The following ALG13 variants were observed in gnomAD, a reference collection of about 807,000 sequenced individuals.
ALG13 encodes ALG13 UDP-N-acetylglucosaminyltransferase subunit.
A neutral mutation model predicts 87.8 loss-of-function variants in ALG13; 11 were observed. That is an observed-to-expected ratio of 0.13 (90% confidence interval 0.08 to 0.21). The LOEUF (loss-of-function observed/expected upper bound fraction) is 0.21. Ranked by LOEUF, ALG13 falls within the 10% of genes least tolerant of loss-of-function variation. ALG13 has a pLI of 1.00. For missense variants in ALG13, 756 were observed against 866.1 expected, an observed-to-expected ratio of 0.87 and a Z score of 1.60; for synonymous variants, 320 against 306.3, an observed-to-expected ratio of 1.04 and a Z score of -0.47.
rs372304203 is a variant in ALG13, at chrX:111,682,205, G to A, written c.155G>A (p.Ser52Asn). Residue 52 changes from serine to asparagine, a missense_variant, in exon 2 of 27, where the codon AGT becomes AAT. This residue lies in a region of ALG13 where 153 missense variants were observed against 168.7 expected (regional missense o/e 0.91). Transcript: ENST00000394780. ...GRGTVVPEPF[S>N]TESFTLDVYR... Reference sequence around the variant, plus strand: ...GGAACGGTGGTACCTGAACCCTTCAGTACTGAGTCGTTTACTCTGGATGTT... The same window carrying A: ...GGAACGGTGGTACCTGAACCCTTCAATACTGAGTCGTTTACTCTGGATGTT... 8.3e-7 allele frequency: 1 copy of A among 1,202,592 alleles called. No individual in the cohort carries two copies. The highest frequency in any genetic ancestry group is 1.1e-6 in the Non-Finnish European group (1 of 890,131).
At chrX:111,759,627 ATAGT>A (rs918697214) in intron 26 of ALG13, 103 bp from the exon 27 acceptor site, 59 of 616,397 alleles carry the variant, frequency 9.6e-5, no homozygotes, top group African/African-American at 2.3e-4. Flanking sequence ...GATCTTTCTT[ATAGT>A]TAGTTTTATT....
At chrX:111,733,474 T>C (rs1226807576) in intron 21 of ALG13, among the ~76,000 whole-genome samples, 1 of 112,158 alleles carries the variant, frequency 8.9e-6, no homozygotes, top group South Asian at 3.7e-4. Flanking sequence ...TTTTGTTTCT[T>C]TGTATGGCTG....
At chrX:111,745,708 G>A (rs1185219431) in intron 24 of ALG13, among the ~76,000 whole-genome samples, 1 of 110,537 alleles carries the variant, frequency 9.0e-6, no homozygotes, top group East Asian at 2.9e-4. Context: ...TTTTCACTTA[G>A]CTTTTTAGTT....
chrX:111,692,295 T>G (rs1478408862), intron 3 of ALG13, among the ~76,000 whole-genome samples: 1 of 112,037 alleles, frequency 8.9e-6, no homozygotes, highest in Non-Finnish European at 1.9e-5. Flanking sequence ...TATAAATGCA[T>G]AATGAGAATC....
intron 23 of ALG13, among the ~76,000 whole-genome samples, chrX:111,742,668 T>G (rs1667689486): frequency 8.9e-6 from 1 of 112,052 alleles, no homozygotes; most frequent in African/African-American, 3.2e-5. Context: ...CATAATAGCT[T>G]TCTTTGTATT....
chrX:111,739,843 G>A (rs935055373), intron 23 of ALG13, among the ~76,000 whole-genome samples: 40 of 112,396 alleles, frequency 3.6e-4, no homozygotes, highest in African/African-American at 1.3e-3. Context: ...AGTTGCATTA[G>A]CCACATGTGG....
rs752094604 is a variant in ALG13 at position 111,686,689 on chromosome X, A to G, written c.383+1586A>G. The stretch of plus-strand genomic sequence containing the variant: ...CTTCCTAACTGCTTTATGCAAGTCA[A>G]TTTTTTCCAGATACTTTTAATTAGT... On this transcript the variant is annotated intron_variant, in intron 3 of 26. Transcript: ENST00000394780. Among the ~76,000 whole-genome samples the G allele has an allele frequency of 7.2e-3, 810 of 111,933 alleles. 2 individuals carry two copies. Among genetic ancestry groups the G allele is most frequent in the Middle Eastern group, 0.014 (3 of 215 alleles).
At chrX:111,687,439 TA>T (rs777443705) in intron 3 of ALG13, among the ~76,000 whole-genome samples, 14 of 112,472 alleles carry the variant, frequency 1.2e-4, no homozygotes, top group Non-Finnish European at 2.4e-4. Flanking sequence ...GTTATGATAG[TA>T]AATTACTGGC....
chrX:111,745,745 A>G (rs1366542853), intron 24 of ALG13, among the ~76,000 whole-genome samples: 1 of 110,613 alleles, frequency 9.0e-6, no homozygotes, highest in East Asian at 2.8e-4. Flanking sequence ...AATTCCTCAT[A>G]TTTATCTTTT....
intron 23 of ALG13, among the ~76,000 whole-genome samples, chrX:111,743,208 TA>T (rs1005385918): frequency 9.0e-6 from 1 of 111,482 alleles, no homozygotes; most frequent in Non-Finnish European, 1.9e-5. Flanking sequence ...TGCTTTTTTT[TA>T]AAAAAATGGC....
chrX:111,681,691 C>A (rs902884411), intron 1 of ALG13: 53 of 844,569 alleles, frequency 6.3e-5, no homozygotes, highest in Non-Finnish European at 6.7e-5. Context: ...GACCGCACGT[C>A]GGCGCCGGCG....
In ALG13 at chrX:111,730,380, G is replaced by T; in HGVS notation, c.2369-15G>T. ...TATATAAACACATTTCTTCTGTCTT[G>T]TCTTTTTTCCCCAGGGCGATATCAT... is the stretch of plus-strand genomic sequence containing the variant. On this transcript the variant is annotated splice_polypyrimidine_tract_variant and intron_variant, in intron 19 of 26. Transcript: ENST00000394780. 1 of 1,207,727 alleles carries T rather than the reference G, an allele frequency of 8.3e-7. No homozygotes were observed. The highest frequency in any genetic ancestry group is 1.7e-5 in the African/African-American group (1 of 57,879).
At chrX:111,687,523 C>T (rs1490826551) in intron 3 of ALG13, among the ~76,000 whole-genome samples, 1 of 111,922 alleles carries the variant, frequency 8.9e-6, no homozygotes, top group Non-Finnish European at 1.9e-5. Flanking sequence ...GCAGCTATTA[C>T]TTTTGGTTTC....
Position 111,698,919 on chromosome X carries a change from T to C in ALG13, c.384-9108T>C, listed in dbSNP as rs369125163. On this transcript the variant is annotated intron_variant, in intron 3 of 26. Coordinates refer to ENST00000394780, the MANE Select transcript of ALG13 (RefSeq NM_001099922.3). ...ATCATATGGTAGTTCTATTTAATTT[T>C]TTGAGGAACTTCCATACTGTTTTCT... Among the ~76,000 whole-genome samples the C allele has an allele frequency of 2.1e-4, 23 of 111,809 alleles. No homozygotes were observed. The South Asian group carries it at 8.3e-3, about 40-fold the overall frequency.
chrX:111,724,316 G>A (rs1401750069), intron 14 of ALG13, among the ~76,000 whole-genome samples: 1 of 111,949 alleles, frequency 8.9e-6, no homozygotes, highest in African/African-American at 3.2e-5. Context: ...TAAAGTTTCT[G>A]ATTCAGTAAG....
chrX:111,757,326 A>G (rs750581104), intron 25 of ALG13: 97 of 260,245 alleles, frequency 3.7e-4, no homozygotes, highest in Non-Finnish European at 6.0e-4. Flanking sequence ...TATAAAAGAC[A>G]CCTTTGTATA....
intron 12 of ALG13, among the ~76,000 whole-genome samples, chrX:111,722,256 C>G (rs1941476304): frequency 8.9e-6 from 1 of 112,078 alleles, no homozygotes; most frequent in African/African-American, 3.2e-5. Flanking sequence ...AAAATACTAT[C>G]TGGCTCTTTA....
intron 25 of ALG13, among the ~76,000 whole-genome samples, chrX:111,756,064 C>T (rs2148501016): frequency 8.9e-6 from 1 of 112,333 alleles, no homozygotes; most frequent in Non-Finnish European, 1.9e-5. Flanking sequence ...CACATACACA[C>T]CATGGAATAC....
At chrX:111,720,564 A>G (rs772388853) in intron 11 of ALG13, among the ~76,000 whole-genome samples, 1 of 111,505 alleles carries the variant, frequency 9.0e-6, no homozygotes, top group African/African-American at 3.3e-5. Context: ...AGAAACAGAA[A>G]TTTCACCATC....
Sources: gnomAD v4.1 joint callset for allele counts (sites outside exome capture counted in the v4.1 genomes callset) on GRCh38, gnomAD v4.1.1 for gene constraint, gnomAD v4.1.1 regional missense constraint, MANE v1.5 for transcripts, NCBI Gene and HGNC (gene_info 2026-07-23, HGNC 2026-07-21) for gene names.